Variants in TVP23C observed in about 807,000 individuals in gnomAD.
The protein encoded by TVP23C is trans-golgi network vesicle protein 23 homolog C, also known as Golgi apparatus membrane protein TVP23 homolog C.
Under a neutral mutation model 28.7 loss-of-function variants are expected in TVP23C, and 19 were observed. The observed-to-expected ratio is 0.66, with a 90% CI of 0.46 to 0.97. The LOEUF is 0.97. Ranked by LOEUF, TVP23C falls within the 50% of genes least tolerant of loss-of-function variation. The pLI, the probability that TVP23C is intolerant of heterozygous loss-of-function variation, is 0.00. For missense variants in TVP23C, 186 were observed against 241.3 expected, an observed-to-expected ratio of 0.77 and a Z score of 1.52; for synonymous variants, 68 against 81.7, an observed-to-expected ratio of 0.83 and a Z score of 0.90.
intron 1 of TVP23C, among the ~76,000 whole-genome samples, chr17:15,561,967 C>T (rs1236630000): frequency 6.6e-6 from 1 of 152,188 alleles, no homozygotes; most frequent in Non-Finnish European, 1.5e-5. Flanking sequence ...GTCCTCACTA[C>T]TAGACTCCCA....
At position 15,540,017 on chromosome 17, in the gene TVP23C, C is replaced by T. The variant is rs1364731423; in HGVS notation, c.*395G>A. ...CTGAGGCAGGAGAATCACATGAACC[C>T]GGGGGGCAGAGGTTGCAGTGAGCCG... On this transcript the variant is annotated 3_prime_UTR_variant, in exon 6 of 6. Transcript: ENST00000518321. The T allele has an allele frequency of 3.1e-5, 24 of 776,842 alleles. No homozygotes were observed. Among genetic ancestry groups the T allele is most frequent in the Non-Finnish European group, 3.7e-5 (23 of 623,230 alleles). The allele number at this position is 776,842 out of a possible 1,614,324, so 48.1% of individuals were successfully genotyped here.
chr17:15,544,300 G>T (rs9894170), intron 5 of TVP23C, among the ~76,000 whole-genome samples: 1,885 of 152,282 alleles, frequency 0.012, 50 homozygotes, highest in African/African-American at 0.044. Context: ...AGTAAAAGGA[G>T]AAGCTGCAAT....
intron 5 of TVP23C, among the ~76,000 whole-genome samples, chr17:15,540,878 T>C (rs1409247402): frequency 2.0e-5 from 3 of 152,210 alleles, no homozygotes; most frequent in African/African-American, 7.2e-5. Context: ...CATTGGTCTG[T>C]GAGTAAAGTT....
Position 15,538,194 on chromosome 17 carries a change from T to C in TVP23C, c.*2218A>G. 1 of 1,613,652 alleles carries C rather than the reference T, an allele frequency of 6.2e-7. No homozygotes were observed. The highest frequency in any genetic ancestry group is 1.1e-5 in the South Asian group (1 of 90,998). On this transcript the variant is annotated 3_prime_UTR_variant, in exon 6 of 6. Transcript: ENST00000518321. ...AAAGAACTCCTTAACATCAAAGTTA[T>C]TTCACTTCACACACCATGGACTTGG...
At chr17:15,530,681 C>T (rs1982915416) in intron 5 of TVP23C, 1 of 151,188 alleles carries the variant, frequency 6.6e-6, no homozygotes, top group African/African-American at 2.4e-5. Context: ...TGAAGGATGT[C>T]TTTTAGCATT....
intron 5 of TVP23C, among the ~76,000 whole-genome samples, chr17:15,523,887 A>G (rs1212931671): frequency 6.6e-6 from 1 of 152,230 alleles, no homozygotes; most frequent in African/African-American, 2.4e-5. Flanking sequence ...TGCTGGGATT[A>G]CAGGCGTGAG....
chr17:15,535,922 T>G (rs1426984642), downstream of TVP23C, among the ~76,000 whole-genome samples: 1 of 152,188 alleles, frequency 6.6e-6, no homozygotes, highest in Non-Finnish European at 1.5e-5. Flanking sequence ...CCAGATACGA[T>G]GGCTCACGCC....
At position 15,537,021 on chromosome 17, in the gene TVP23C, G is replaced by T. The variant is rs1019895877; in HGVS notation, c.*3391C>A. On this transcript the variant is annotated 3_prime_UTR_variant, in exon 6 of 6. Coordinates refer to ENST00000518321, the MANE Select transcript of TVP23C (RefSeq NM_001135036.2). ...GAATTTTATACAAATATAAAGTTTTGCACCTTCAAAGCTATCACTCCAATA... is the reference window on the plus strand; with the variant it reads ...GAATTTTATACAAATATAAAGTTTTTCACCTTCAAAGCTATCACTCCAATA... The T allele has an allele frequency of 1.9e-5, 3 of 160,412 alleles. No homozygotes were observed. The highest frequency in any genetic ancestry group is 7.5e-5 in the African/African-American group (3 of 39,878). The allele number at this position is 160,412 out of a possible 1,614,324, so 9.9% of individuals were successfully genotyped here. A position where few individuals can be genotyped will look rare whatever the true frequency, so the allele number is the denominator to read the frequency against.
At chr17:15,529,520 GT>G (rs200766636) in intron 5 of TVP23C, among the ~76,000 whole-genome samples, 1 of 151,930 alleles carries the variant, frequency 6.6e-6, no homozygotes, top group Non-Finnish European at 1.5e-5. Context: ...TTTGTTTCAT[GT>G]TGTGGGATTT....
intron 5 of TVP23C, among the ~76,000 whole-genome samples, chr17:15,529,818 TTGGA>T (rs1982879587): frequency 6.6e-6 from 1 of 152,168 alleles, no homozygotes; most frequent in Non-Finnish European, 1.5e-5. Context: ...TGGGTTTTTT[TTGGA>T]TGGAGTCTCG....
At chr17:15,532,166 T>A (rs901791663), downstream of TVP23C, among the ~76,000 whole-genome samples, 1 of 152,204 alleles carries the variant, frequency 6.6e-6, no homozygotes, top group African/African-American at 2.4e-5. Flanking sequence ...CACACTCCCC[T>A]TTTTTTAAGT....
At chr17:15,525,026 GTC>G (rs1339191434) in intron 5 of TVP23C, among the ~76,000 whole-genome samples, 11 of 152,258 alleles carry the variant, frequency 7.2e-5, no homozygotes, top group Non-Finnish European at 1.5e-4. Flanking sequence ...GGAATGAGGT[GTC>G]TCTGTCTCCT....
At chr17:15,561,602 AAATG>A (rs201163005) in intron 1 of TVP23C, among the ~76,000 whole-genome samples, 2,216 of 126,586 alleles carry the variant, frequency 0.018, 17 homozygotes, top group African/African-American at 0.047. Flanking sequence ...TCCGTCTCAT[AAATG>A]AATGAATGAA....
At chr17:15,559,582 G>C (rs1263090653) in intron 1 of TVP23C, among the ~76,000 whole-genome samples, 1 of 148,718 alleles carries the variant, frequency 6.7e-6, no homozygotes, top group African/African-American at 2.4e-5. Context: ...AAATCTGGAG[G>C]GGGAGGGGAG....
At chr17:15,503,126 G>A (rs1293401512) in exon 6 of TVP23C, 4 of 1,611,346 alleles carry the variant, frequency 2.5e-6, no homozygotes, top group African/African-American at 1.3e-5. Context: ...GGGATGGCCC[G>A]GGCAGCGGCT....
chr17:15,519,412 C>T (rs746034276), intron 5 of TVP23C, among the ~76,000 whole-genome samples: 40 of 151,944 alleles, frequency 2.6e-4, no homozygotes, highest in Non-Finnish European at 4.9e-4. Context: ...TTCGAGGCTG[C>T]AGTGACCCAT....
chr17:15,509,384 G>A (rs1981906827), intron 5 of TVP23C, among the ~76,000 whole-genome samples: 1 of 152,188 alleles, frequency 6.6e-6, no homozygotes, highest in South Asian at 2.1e-4. Context: ...AGCAGCTGCT[G>A]GCTACAACTA....
chr17:15,546,630 A>C lies in TVP23C; in HGVS notation c.330+429T>G, dbSNP rs200916102. On this transcript the variant is annotated intron_variant, in intron 4 of 5. Coordinates refer to ENST00000518321, the MANE Select transcript of TVP23C (RefSeq NM_001135036.2). Reference sequence around the variant, plus strand: ...CAGAAGCTTAGGAATAGAGTGCTCCAATCAGATATTCTATCCAGCTGCACT... The same window carrying C: ...CAGAAGCTTAGGAATAGAGTGCTCCCATCAGATATTCTATCCAGCTGCACT... Among the ~76,000 whole-genome samples, 21 of 141,142 alleles carry C rather than the reference A, an allele frequency of 1.5e-4. 1 individual carries two copies. In the South Asian group the frequency reaches 4.8e-3, roughly 32 times the overall value. The allele number at this position is 141,142 out of a possible 152,430, so 92.6% of individuals were successfully genotyped here.
chr17:15,536,043 T>C (rs1033334613), downstream of TVP23C, among the ~76,000 whole-genome samples: 33 of 151,950 alleles, frequency 2.2e-4, no homozygotes, highest in African/African-American at 7.7e-4. Flanking sequence ...AATACAAAAA[T>C]TAGCCAGGTG....
Sources: allele counts gnomAD v4.1 joint callset (sites outside exome capture counted in the v4.1 genomes callset), GRCh38; gene constraint gnomAD v4.1.1; transcripts MANE v1.5; gene names NCBI Gene and HGNC (gene_info 2026-07-23, HGNC 2026-07-21).